Variants in PIK3CD observed in about 807,000 individuals in gnomAD.
The protein encoded by PIK3CD is phosphatidylinositol-4,5-bisphosphate 3-kinase catalytic subunit delta.
In PIK3CD, 20 loss-of-function variants were observed where a neutral mutation model predicts 122.9. The ratio of observed to expected loss-of-function variants is 0.16; its 90% CI spans 0.11 to 0.24. PIK3CD has a LOEUF of 0.24. Among genes scored for constraint, PIK3CD ranks in the 10% least tolerant of loss-of-function variants. The pLI, the probability that PIK3CD is intolerant of heterozygous loss-of-function variation, is 1.00. For synonymous variants in PIK3CD, 596 were observed against 593.4 expected, an observed-to-expected ratio of 1.00 and a Z score of -0.06; for missense variants, 787 against 1,406.3, an observed-to-expected ratio of 0.56 and a Z score of 7.04.
intron 2 of PIK3CD, among the ~76,000 whole-genome samples, chr1:9,701,181 G>T (rs1646612737): frequency 6.6e-6 from 1 of 152,052 alleles, no homozygotes; most frequent in African/African-American, 2.4e-5. Context: ...CCCAGTTGAA[G>T]TCTTCAACTT....
At chr1:9,654,667 A>G (rs1350222167) in intron 1 of PIK3CD, 2 of 358,322 alleles carry the variant, frequency 5.6e-6, no homozygotes, top group Non-Finnish European at 1.1e-5. Flanking sequence ...ATTTTTGTGT[A>G]GAGAGCAGTT....
At chr1:9,661,582 C>A (rs182249374) in intron 1 of PIK3CD, among the ~76,000 whole-genome samples, 1 of 150,782 alleles carries the variant, frequency 6.6e-6, no homozygotes, top group African/African-American at 2.4e-5. Flanking sequence ...TAGTAGAGGC[C>A]GGGTGTGGTG....
At position 9,728,342 on chromosome 1, in the gene PIK3CD, C is replaced by G. The variant is rs1650011310; in HGVS notation, c.*1296C>G. On this transcript the variant is annotated 3_prime_UTR_variant, in exon 24 of 24. Transcript: ENST00000377346. ...TTGAGCAGCTTTAGAAATGCAGGTT[C>G]TAGGGCTTCTCCCAGCCTTCAGAAG... is the stretch of plus-strand genomic sequence containing the variant. 6.6e-6 allele frequency: 1 copy of G among 152,372 alleles called. No individual in the cohort carries two copies. Among genetic ancestry groups the G allele is most frequent in the South Asian group, 2.1e-4 (1 of 4,832 alleles). The allele number at this position is 152,372 out of a possible 1,614,324, so 9.4% of individuals were successfully genotyped here.
rs1037215573 is a variant in PIK3CD, at chr1:9,652,943, G to C, written c.-138+1141G>C. 1 of 152,266 alleles carries C rather than the reference G, an allele frequency of 6.6e-6. No homozygotes were observed. Among genetic ancestry groups the C allele is most frequent in the Non-Finnish European group, 1.5e-5 (1 of 68,122 alleles). The allele number at this position is 152,266 out of a possible 1,614,324, so 9.4% of individuals were successfully genotyped here. ...TTGCGGATGGAGCGCGGGGCTGATC[G>C]GGCAGGTCTCACTTGTGCAGGTGTT... On this transcript the variant is annotated intron_variant, in intron 1 of 23. Coordinates refer to ENST00000377346, the MANE Select transcript of PIK3CD (RefSeq NM_005026.5). This position sits in a 1 kb window ranked among gnomAD's most constrained non-coding sequence, Gnocchi z 6.2.
At chr1:9,651,216 G>A (rs1171344735), upstream of PIK3CD, among the ~76,000 whole-genome samples, 3 of 152,220 alleles carry the variant, frequency 2.0e-5, no homozygotes, top group Non-Finnish European at 2.9e-5. Flanking sequence ...TGTGCCTGCA[G>A]TTTCTAAGAA....
intron 1 of PIK3CD, among the ~76,000 whole-genome samples, chr1:9,670,685 G>A (rs1645294722): frequency 6.6e-6 from 1 of 152,150 alleles, no homozygotes; most frequent in Non-Finnish European, 1.5e-5. Context: ...CCAAAAAGTT[G>A]CAGTTTTTAC....
chr1:9,726,309 C>T (rs181657763), intron 23 of PIK3CD, among the ~76,000 whole-genome samples: 2 of 152,092 alleles, frequency 1.3e-5, no homozygotes, highest in African/African-American at 2.4e-5. Flanking sequence ...GAGATCGAGA[C>T]CATCCTGGCT....
intron 3 of PIK3CD, among the ~76,000 whole-genome samples, chr1:9,712,441 C>T (rs368797913): frequency 1.9e-4 from 29 of 152,010 alleles, no homozygotes; most frequent in South Asian, 4.2e-4. Flanking sequence ...CCACCACGCC[C>T]GGCTAATTTT....
the PIK3CD span, among the ~76,000 whole-genome samples, chr1:9,633,769 A>G: frequency 3.7e-3 from 557 of 152,242 alleles, 11 homozygotes; most frequent in Admixed American, 0.027. Flanking sequence ...GATAGAAAGA[A>G]GGTTTTTTTT....
chr1:9,640,737 C>T, the PIK3CD span, among the ~76,000 whole-genome samples: 1 of 152,042 alleles, frequency 6.6e-6, no homozygotes, highest in African/African-American at 2.4e-5. Flanking sequence ...GAATCACAGT[C>T]CCGCCACTCC....
intron 14 of PIK3CD, 90 bp from the exon 15 acceptor site, chr1:9,721,354 C>A (rs12735071): frequency 7.5e-6 from 12 of 1,607,682 alleles, no homozygotes; most frequent in Admixed American, 1.7e-5. Context: ...GGCTTGCTCC[C>A]TCCTGCCTGG....
chr1:9,635,714 G>A, the PIK3CD span, among the ~76,000 whole-genome samples: 1 of 152,358 alleles, frequency 6.6e-6, no homozygotes, highest in African/African-American at 2.4e-5. Flanking sequence ...CCATAGCACT[G>A]TGCTCTTGCC....
intron 2 of PIK3CD, among the ~76,000 whole-genome samples, chr1:9,706,074 T>C (rs1646820206): frequency 6.7e-6 from 1 of 148,720 alleles, no homozygotes; most frequent in African/African-American, 2.5e-5. Flanking sequence ...TTTTTTTTTT[T>C]GGTAGAGACA....
In PIK3CD at chr1:9,722,935, G is replaced by A. The variant is rs1403969584; in HGVS notation, c.2427-190G>A. Among the ~76,000 whole-genome samples, 1 of 152,134 alleles carries A rather than the reference G, an allele frequency of 6.6e-6. No homozygotes were observed. The highest frequency in any genetic ancestry group is 1.5e-5 in the Non-Finnish European group (1 of 68,016). On this transcript the variant is annotated intron_variant, in intron 19 of 23. Coordinates refer to ENST00000377346, the MANE Select transcript of PIK3CD (RefSeq NM_005026.5). The surrounding 1 kb of genome is among the most constrained non-coding windows in gnomAD (Gnocchi z 7.6). ...TCCAAGCAAATGTGAACTCAGCTGT[G>A]GTGCTTTCTGCACCTCAGATGCTGG...
intron 1 of PIK3CD, among the ~76,000 whole-genome samples, chr1:9,664,967 C>G (rs1645114991): frequency 2.0e-5 from 3 of 151,976 alleles, no homozygotes; most frequent in African/African-American, 7.2e-5. Flanking sequence ...CACTGGGAGG[C>G]CAAGATGGGA....
intron 1 of PIK3CD, among the ~76,000 whole-genome samples, chr1:9,691,094 C>T (rs1646180615): frequency 6.6e-6 from 1 of 152,344 alleles, no homozygotes; most frequent in African/African-American, 2.4e-5. Context: ...AGTTCACCAA[C>T]CTGCTTTTTG....
At chr1:9,637,320 A>G in the PIK3CD span, among the ~76,000 whole-genome samples, 1 of 152,138 alleles carries the variant, frequency 6.6e-6, no homozygotes, top group Non-Finnish European at 1.5e-5. Flanking sequence ...GCTTGAGCCC[A>G]GGAGTTTGAG....
At chr1:9,713,259 T>C (rs1287841974) in intron 3 of PIK3CD, among the ~76,000 whole-genome samples, 1 of 152,082 alleles carries the variant, frequency 6.6e-6, no homozygotes, top group East Asian at 1.9e-4. Context: ...GGAGGATCAC[T>C]TGAGCCTGGG....
At chr1:9,676,320 C>T (rs1645535332) in intron 1 of PIK3CD, among the ~76,000 whole-genome samples, 1 of 152,216 alleles carries the variant, frequency 6.6e-6, no homozygotes, top group South Asian at 2.1e-4. Context: ...AGTGATCCTC[C>T]CGCCTCAGCC....
Sources: gnomAD v4.1 joint callset for allele counts (sites outside exome capture counted in the v4.1 genomes callset) on GRCh38, gnomAD v4.1.1 for gene constraint, Gnocchi (gnomAD v3.1) non-coding constraint, MANE v1.5 for transcripts, NCBI Gene and HGNC (gene_info 2026-07-23, HGNC 2026-07-21) for gene names.